The following ARHGEF38 variants were observed in gnomAD, a reference collection of about 807,000 sequenced individuals.
ARHGEF38 encodes Rho guanine nucleotide exchange factor (GEF) 38.
ARHGEF38 carries 79 observed loss-of-function variants against 79.9 expected under a neutral mutation model. The ratio of observed to expected loss-of-function variants is 0.99; its 90% CI spans 0.82 to 1.19. The LOEUF is 1.19. Among genes scored for constraint, ARHGEF38 ranks in the 50% most tolerant of loss-of-function variants. The probability of loss-of-function intolerance (pLI) is 0.00; values close to 1 mark genes in which losing one functional copy is unlikely to be tolerated. For missense variants in ARHGEF38, 962 were observed against 907.2 expected (o/e 1.06, Z -0.78); for synonymous variants, 366 against 328.3 (o/e 1.11, Z -1.24).
rs547150187 is a variant in ARHGEF38, at chr4:105,679,821, A to G, written c.*1884A>G. 26 of 1,226,612 alleles carry G rather than the reference A, an allele frequency of 2.1e-5. No homozygotes were observed. In the East Asian group the frequency reaches 5.8e-4, roughly 27 times the overall value. 76.0% of individuals were successfully genotyped at this position (1,226,612 alleles called of 1,614,324 possible). ...CCCACGCATCCAGAGAGATGGATATAGGACTCAATATCCTGAGGAGGAGAA... is the reference window on the plus strand; with the variant it reads ...CCCACGCATCCAGAGAGATGGATATGGGACTCAATATCCTGAGGAGGAGAA... On this transcript the variant is annotated 3_prime_UTR_variant, in exon 14 of 14. Transcript: ENST00000420470.
chr4:105,647,857 T>C (rs1280305477), intron 6 of ARHGEF38, among the ~76,000 whole-genome samples: 2 of 151,954 alleles, frequency 1.3e-5, no homozygotes, highest in African/African-American at 2.4e-5. Flanking sequence ...TCTCCTTACA[T>C]TGGGCACAGT....
intron 2 of ARHGEF38, among the ~76,000 whole-genome samples, chr4:105,603,952 AAATTCAGGCAG>A (rs1462033886): frequency 1.3e-5 from 2 of 152,176 alleles, no homozygotes; most frequent in East Asian, 3.9e-4. Context: ...GCCTCAACTG[AAATTCAGGCAG>A]GAGGTGTTTG....
At chr4:105,623,527 C>T (rs1728823886) in intron 3 of ARHGEF38, among the ~76,000 whole-genome samples, 1 of 151,762 alleles carries the variant, frequency 6.6e-6, no homozygotes, top group Non-Finnish European at 1.5e-5. Context: ...TTTCCTGATC[C>T]AGCCAGCAAA....
rs1332903399 is a variant in ARHGEF38, at chr4:105,677,936, A to T, written c.2333A>T (p.Ter778LeuextTer15). The T allele has an allele frequency of 3.3e-6, 5 of 1,499,614 alleles. No individual in the cohort carries two copies. The South Asian group carries it at 6.2e-5, about 19-fold the overall frequency. The allele number at this position is 1,499,614 out of a possible 1,614,324, so 92.9% of individuals were successfully genotyped here. The change falls in exon 14 of 14, where the codon TAA (stop) becomes TTA (leucine). Residue 778 changes from the stop codon to leucine (L), a stop_lost. Coordinates refer to ENST00000420470, the MANE Select transcript of ARHGEF38 (RefSeq NM_001242729.2). ...ANYLGKMTYA[*>L] Reference sequence around the variant, plus strand: ...TACCTTGGAAAGATGACTTATGCTTAAGAAAATAAGCCTTCAACTTTTATT... The same window carrying T: ...TACCTTGGAAAGATGACTTATGCTTTAGAAAATAAGCCTTCAACTTTTATT...
chr4:105,676,419 C>A, intron 13 of ARHGEF38, among the ~76,000 whole-genome samples: 1 of 151,478 alleles, frequency 6.6e-6, no homozygotes, highest in Middle Eastern at 3.2e-3. Flanking sequence ...TGTTCACTGG[C>A]ATTTTCTTTT....
chr4:105,614,777 G>T (rs1048990376), intron 3 of ARHGEF38, among the ~76,000 whole-genome samples: 6 of 152,180 alleles, frequency 3.9e-5, no homozygotes, highest in Non-Finnish European at 4.4e-5. Context: ...TCAATGAATA[G>T]TTATGAAGTA....
At chr4:105,620,542 T>C (rs1487138174) in intron 3 of ARHGEF38, among the ~76,000 whole-genome samples, 1 of 152,236 alleles carries the variant, frequency 6.6e-6, no homozygotes, top group Non-Finnish European at 1.5e-5. Flanking sequence ...GCCTGATTTT[T>C]TCTGTATGTA....
intron 13 of ARHGEF38, among the ~76,000 whole-genome samples, chr4:105,675,926 T>C (rs1731102377): frequency 6.6e-6 from 1 of 152,202 alleles, no homozygotes; most frequent in African/African-American, 2.4e-5. Context: ...CTTAATAGCA[T>C]TACCTTGTGG....
rs185026491 is a variant in ARHGEF38, at chr4:105,581,649, G to A, written c.197-7599G>A. ...TTATGAGCTTTTATTTTAAGATTCT[G>A]TATTATCTTTTAAAATCCACTTGAT... is the stretch of plus-strand genomic sequence containing the variant. On this transcript the variant is annotated intron_variant, in intron 1 of 13. Transcript: ENST00000420470. 5.3e-5 allele frequency among the ~76,000 whole-genome samples: 8 copies of A among 152,002 alleles called. No individual in the cohort carries two copies. In the East Asian group the frequency reaches 1.5e-3, roughly 29 times the overall value.
At chr4:105,669,911 G>T (rs994583667) in intron 13 of ARHGEF38, among the ~76,000 whole-genome samples, 2 of 152,006 alleles carry the variant, frequency 1.3e-5, no homozygotes, top group South Asian at 4.1e-4. Context: ...TTTTACAGCT[G>T]CTTTTTTTCA....
Position 105,659,353 on chromosome 4 carries a change from C to A in ARHGEF38, c.1533C>A (p.Ser511=). ...TGCTCGTGGCACAGCAGGCTTACTC[C>A]ACACTTGTGCCGGTAAGCACAGCAC... ...DLMLVAQQAY[S]TLVPMPLLVS... The change falls in exon 10 of 14, where the codon TCC becomes TCA. Residue 511 remains serine, a synonymous_variant. Transcript: ENST00000420470. 6.5e-7 allele frequency: 1 copy of A among 1,534,340 alleles called. No homozygotes were observed. The highest frequency in any genetic ancestry group is 8.7e-7 in the Non-Finnish European group (1 of 1,146,374).
intron 1 of ARHGEF38, among the ~76,000 whole-genome samples, chr4:105,557,905 G>T (rs1725327242): frequency 6.6e-6 from 1 of 152,070 alleles, no homozygotes; most frequent in Non-Finnish European, 1.5e-5. Context: ...TTTCTGGCCA[G>T]TGCATATTTT....
intron 5 of ARHGEF38, among the ~76,000 whole-genome samples, chr4:105,643,653 G>C (rs531518558): frequency 7.9e-5 from 12 of 152,256 alleles, no homozygotes; most frequent in Admixed American, 5.2e-4. Context: ...GCAGGAGGTA[G>C]AGTGGAGACA....
At chr4:105,648,706 CA>C in intron 7 of ARHGEF38, 24 bp downstream of exon 7, 1 of 1,492,266 alleles carries the variant, frequency 6.7e-7, no homozygotes, top group African/African-American at 1.4e-5. Flanking sequence ...TTGGACCACC[CA>C]CCTTTTCCCA....
At chr4:105,602,690 G>T (rs1343037502) in intron 2 of ARHGEF38, among the ~76,000 whole-genome samples, 2 of 152,072 alleles carry the variant, frequency 1.3e-5, no homozygotes, top group Non-Finnish European at 2.9e-5. Context: ...CCACTCCAGG[G>T]CTCACGCTTG....
chr4:105,648,484 T>A (rs1729948848), intron 6 of ARHGEF38, 65 bp from the exon 7 acceptor site: 3 of 1,369,902 alleles, frequency 2.2e-6, no homozygotes, highest in African/African-American at 1.5e-5. Context: ...TTGAAAACTT[T>A]GGGTGAAGTG....
chr4:105,576,660 A>AT (rs1726517296), intron 1 of ARHGEF38, among the ~76,000 whole-genome samples: 1 of 151,590 alleles, frequency 6.6e-6, no homozygotes. Context: ...GGATCCCCTT[A>AT]TTTTCTTCTC....
chr4:105,637,802 C>G (rs1254617778), intron 5 of ARHGEF38, among the ~76,000 whole-genome samples: 5 of 152,252 alleles, frequency 3.3e-5, no homozygotes, highest in African/African-American at 1.2e-4. Flanking sequence ...GCACGGACTT[C>G]TACATACAGA....
intron 1 of ARHGEF38, among the ~76,000 whole-genome samples, chr4:105,571,547 T>C (rs1726234942): frequency 6.6e-6 from 1 of 152,106 alleles, no homozygotes; most frequent in East Asian, 1.9e-4. Flanking sequence ...GGTCTCAAAC[T>C]CCTGACCTCA....
Sources: gnomAD v4.1 joint callset for allele counts (sites outside exome capture counted in the v4.1 genomes callset) on GRCh38, gnomAD v4.1.1 for gene constraint, MANE v1.5 for transcripts, NCBI Gene and HGNC (gene_info 2026-07-23, HGNC 2026-07-21) for gene names.